The following MYBPC2 variants were observed in gnomAD, a reference collection of about 807,000 sequenced individuals.
MYBPC2 encodes the protein myosin-binding protein C, fast-type.
MYBPC2 carries 122 observed loss-of-function variants against 137.0 expected under a neutral mutation model. The observed-to-expected ratio is 0.89, with a 90% CI of 0.77 to 1.03. The LOEUF (loss-of-function observed/expected upper bound fraction) is 1.03, where lower values mean the gene tolerates loss of function less well. Ranked by LOEUF, MYBPC2 falls within the 50% of genes least tolerant of loss-of-function variation. The probability of loss-of-function intolerance (pLI) is 0.00; values close to 1 mark genes in which losing one functional copy is unlikely to be tolerated. For missense variants in MYBPC2, 1,500 were observed against 1,534.4 expected (o/e 0.98, Z 0.37); for synonymous variants, 626 against 612.3 (o/e 1.02, Z -0.33).
In MYBPC2 at chr19:50,459,188, C is replaced by T. The variant is rs568062384; in HGVS notation, c.2673C>T (p.Ser891=). The change falls in exon 23 of 28, where the codon AGC becomes AGT. Residue 891 remains serine, a synonymous_variant. Transcript: ENST00000357701. ...LDTSRVHVRT[S]DFDTVFFVRQ... ...CCTCCCGCGTGCACGTGCGGACCAG[C>T]GACTTCGACACCGTGTTCTTCGTGC... 6.3e-5 allele frequency: 102 copies of T among 1,608,584 alleles called. No individual in the cohort carries two copies. Among genetic ancestry groups the T allele is most frequent in the Non-Finnish European group, 8.4e-5 (99 of 1,178,860 alleles).
intron 5 of MYBPC2, 147 bp downstream of exon 5, chr19:50,436,881 A>T: frequency 1.4e-6 from 1 of 703,658 alleles, no homozygotes; most frequent in East Asian, 2.7e-5. Flanking sequence ...CTGGGGTCAG[A>T]GTATTCAAAC....
intron 15 of MYBPC2, 72 bp downstream of exon 15, chr19:50,451,381 C>T: frequency 6.7e-7 from 1 of 1,488,668 alleles, no homozygotes; most frequent in Non-Finnish European, 9.1e-7. Context: ...AGGGGAATGG[C>T]CGAGGGAGGA....
intron 12 of MYBPC2, among the ~76,000 whole-genome samples, chr19:50,446,727 G>A (rs765661394): frequency 2.0e-5 from 3 of 151,142 alleles, no homozygotes; most frequent in Non-Finnish European, 2.9e-5. Flanking sequence ...GGCTGAGGCA[G>A]GAGAATCGCT....
At chr19:50,455,463 C>T (rs769013286) in intron 19 of MYBPC2, 47 bp from the exon 20 acceptor site, 27 of 1,594,500 alleles carry the variant, frequency 1.7e-5, no homozygotes, top group South Asian at 4.5e-5. Context: ...CCTGCTGACC[C>T]CTGACCCCTC....
At chr19:50,454,934 T>C (rs1400052953) in intron 18 of MYBPC2, among the ~76,000 whole-genome samples, 174 bp from the exon 19 acceptor site, 2 of 152,120 alleles carry the variant, frequency 1.3e-5, no homozygotes, top group African/African-American at 2.4e-5. Flanking sequence ...TCTTGATTCC[T>C]GACTCCAGGA....
At chr19:50,444,210 C>T (rs1390441487) in intron 11 of MYBPC2, among the ~76,000 whole-genome samples, 1 of 150,710 alleles carries the variant, frequency 6.6e-6, no homozygotes, top group African/African-American at 2.4e-5. Flanking sequence ...ACTCATGCAT[C>T]CATCCATCCA....
intron 8 of MYBPC2, among the ~76,000 whole-genome samples, chr19:50,441,472 C>T (rs1412469471): frequency 6.6e-6 from 1 of 152,190 alleles, no homozygotes; most frequent in African/African-American, 2.4e-5. Flanking sequence ...CTGCCCTGAG[C>T]CGTTGCTCTC....
At chr19:50,451,401 C>A in intron 15 of MYBPC2, 92 bp downstream of exon 15, 1 of 1,133,840 alleles carries the variant, frequency 8.8e-7, no homozygotes, top group Non-Finnish European at 1.2e-6. Flanking sequence ...ATAGGCAGGG[C>A]GAGGAAGGAT....
chr19:50,436,549 A>C, intron 4 of MYBPC2, 68 bp from the exon 5 acceptor site: 1 of 1,355,624 alleles, frequency 7.4e-7, no homozygotes, highest in Non-Finnish European at 1.0e-6. Flanking sequence ...CTATGAGTGG[A>C]CTCTGAGGAA....
rs368309843 is a variant in MYBPC2, at chr19:50,461,919, C to T, written c.3111C>T (p.Phe1037=). 1.2e-5 allele frequency: 19 copies of T among 1,597,252 alleles called. No individual in the cohort carries two copies. The highest frequency in any genetic ancestry group is 1.5e-5 in the Non-Finnish European group (17 of 1,171,576). Residue 1037 remains phenylalanine (F), a synonymous_variant, in exon 26 of 28, where the codon TTC becomes TTT. Transcript: ENST00000357701. ...ILKTGITFKP[F]EYKEHDFRMA... Reference sequence around the variant, plus strand: ...CCCCAGGAATCACCTTCAAACCGTTCGAGTATAAGGAGCATGACTTCCGGA... The same window carrying T: ...CCCCAGGAATCACCTTCAAACCGTTTGAGTATAAGGAGCATGACTTCCGGA...
chr19:50,440,164 C>T (rs897947169), intron 7 of MYBPC2, among the ~76,000 whole-genome samples: 3 of 151,890 alleles, frequency 2.0e-5, no homozygotes, highest in Admixed American at 2.0e-4. Context: ...GGGAGAACCA[C>T]TGATGTGGGT....
chr19:50,437,501 T>G lies in MYBPC2; in HGVS notation c.492T>G (p.Ser164Arg), dbSNP rs1455781734. The G allele has an allele frequency of 3.8e-5, 61 of 1,610,506 alleles. No homozygotes were observed. Among genetic ancestry groups the G allele is most frequent in the Non-Finnish European group, 5.1e-5 (60 of 1,178,640 alleles). Reference protein sequence around the residue: ...EAPRQDASGQSLESFKRTSEK... With the variant: ...EAPRQDASGQRLESFKRTSEK... ...CCCGTCAGGATGCCTCTGGGCAGAG[T>G]CTAGAAAGCTTCAAGCGTACGTAAG... Residue 164 changes from serine to arginine, a missense_variant, in exon 6 of 28, where the codon AGT becomes AGG. Coordinates refer to ENST00000357701, the MANE Select transcript of MYBPC2 (RefSeq NM_004533.4).
intron 6 of MYBPC2, 51 bp downstream of exon 6, chr19:50,437,572 C>T (rs1297363143): frequency 6.3e-7 from 1 of 1,598,078 alleles, no homozygotes; most frequent in Non-Finnish European, 8.5e-7. Context: ...GGGAGGCTCT[C>T]CCTTGGAAGG....
In MYBPC2 at chr19:50,460,101, G is replaced by A. The variant is rs563596603; in HGVS notation, c.2853G>A (p.Val951=). 2 of 1,578,146 alleles carry A rather than the reference G, an allele frequency of 1.3e-6. No homozygotes were observed. Among genetic ancestry groups the A allele is most frequent in the African/African-American group, 2.7e-5 (2 of 73,942 alleles). The change falls in exon 24 of 28, where the codon GTG becomes GTA. Residue 951 remains valine, a synonymous_variant. Coordinates refer to ENST00000357701, the MANE Select transcript of MYBPC2 (RefSeq NM_004533.4). Reference sequence around the variant, plus strand: ...AGGTGTGGGGCACGAACGCGCTGGTGGAGTGGCAGGCCCCCAAAGATGATG... The same window carrying A: ...AGGTGTGGGGCACGAACGCGCTGGTAGAGTGGCAGGCCCCCAAAGATGATG... ...VKEVWGTNAL[V]EWQAPKDDGN... is the part of the protein sequence containing the mutation.
intron 24 of MYBPC2, among the ~76,000 whole-genome samples, chr19:50,460,810 C>A (rs983144787): frequency 3.3e-5 from 5 of 151,554 alleles, no homozygotes; most frequent in African/African-American, 1.2e-4. Context: ...TGATTCCCCC[C>A]CATCTCAGCC....
chr19:50,455,415 C>T (rs2039900237), intron 19 of MYBPC2, 95 bp from the exon 20 acceptor site: 1 of 1,564,090 alleles, frequency 6.4e-7, no homozygotes, highest in South Asian at 1.2e-5. Flanking sequence ...ACCCCCTGGC[C>T]TTCTGACCAA....
In MYBPC2 at chr19:50,464,471, C is replaced by T. The variant is rs1437003654; in HGVS notation, c.3354C>T (p.Tyr1118=). ...RRPSPFDAGT[Y]TCRAVNELGE... ...CCTCGCCCTTCGACGCTGGGACTTACACCTGCCGGGCCGTCAACGAGCTGG... is the reference window on the plus strand; with the variant it reads ...CCTCGCCCTTCGACGCTGGGACTTATACCTGCCGGGCCGTCAACGAGCTGG... Residue 1118 remains tyrosine (Y), a synonymous_variant, in exon 27 of 28, where the codon TAC becomes TAT. Transcript: ENST00000357701. 3 of 1,613,146 alleles carry T rather than the reference C, an allele frequency of 1.9e-6. No homozygotes were observed. Among genetic ancestry groups the T allele is most frequent in the Non-Finnish European group, 2.5e-6 (3 of 1,179,674 alleles).
At chr19:50,451,331 G>A (rs1185257415) in intron 15 of MYBPC2, 22 bp downstream of exon 15, 1 of 1,612,862 alleles carries the variant, frequency 6.2e-7, no homozygotes, top group African/African-American at 1.3e-5. Context: ...GGGCTGCGCT[G>A]GGAGCGGGTC....
chr19:50,454,419 T>TA, intron 18 of MYBPC2, 50 bp downstream of exon 18: 4 of 908,168 alleles, frequency 4.4e-6, no homozygotes, highest in Non-Finnish European at 6.0e-6. Context: ...TTCTGCCTTC[T>TA]GTTTTTTTTT....
Sources: allele counts gnomAD v4.1 joint callset (sites outside exome capture counted in the v4.1 genomes callset), GRCh38; gene constraint gnomAD v4.1.1; transcripts MANE v1.5; gene names NCBI Gene and HGNC (gene_info 2026-07-23, HGNC 2026-07-21).